BIRC6: variants seen among roughly 807,000 people sequenced by gnomAD.
BIRC6 encodes baculoviral IAP repeat containing 6.
A neutral mutation model predicts 503.3 loss-of-function variants in BIRC6; 98 were observed. That is an observed-to-expected ratio of 0.19 (90% CI 0.17 to 0.23). The LOEUF is 0.23. Among genes scored for constraint, BIRC6 ranks in the 10% least tolerant of loss-of-function variants. The pLI, the probability that BIRC6 is intolerant of heterozygous loss-of-function variation, is 1.00. For synonymous variants in BIRC6, 2,240 were observed against 2,078.7 expected, an observed-to-expected ratio of 1.08 and a Z score of -2.11; for missense variants, 5,360 against 5,806.0, an observed-to-expected ratio of 0.92 and a Z score of 2.50.
chr2:32,613,094 T>C (rs1395619292), intron 73 of BIRC6, among the ~76,000 whole-genome samples: 1 of 151,964 alleles, frequency 6.6e-6, no homozygotes, highest in East Asian at 1.9e-4. Context: ...TTACACATGG[T>C]TTCCATTTTC....
chr2:32,463,977 AG>A (rs1293751296), intron 24 of BIRC6, among the ~76,000 whole-genome samples: 3 of 152,180 alleles, frequency 2.0e-5, no homozygotes, highest in Non-Finnish European at 4.4e-5. Context: ...TGAGGGATCT[AG>A]GTTGCATGTT....
chr2:32,380,313 C>CT, intron 3 of BIRC6, 23 bp downstream of exon 3: 1 of 1,571,374 alleles, frequency 6.4e-7, no homozygotes, highest in Non-Finnish European at 8.6e-7. Flanking sequence ...TAGATTGCCT[C>CT]TTTTGGGGTT....
chr2:32,594,657 C>CT (rs1241077413), intron 67 of BIRC6, among the ~76,000 whole-genome samples: 1 of 152,116 alleles, frequency 6.6e-6, no homozygotes, highest in East Asian at 1.9e-4. Flanking sequence ...AATTGCACCA[C>CT]TGTACTCCAA....
At chr2:32,547,682 C>A (rs2058146940) in intron 63 of BIRC6, among the ~76,000 whole-genome samples, 168 bp from the exon 64 acceptor site, 1 of 152,130 alleles carries the variant, frequency 6.6e-6, no homozygotes, top group Admixed American at 6.5e-5. Flanking sequence ...TGTTTTAATA[C>A]TAGAAGTAGA....
intron 66 of BIRC6, among the ~76,000 whole-genome samples, chr2:32,590,448 G>T (rs2151334603): frequency 6.6e-6 from 1 of 152,278 alleles, no homozygotes; most frequent in African/African-American, 2.4e-5. Context: ...GGTTAAAGGG[G>T]TCTTGTTTTA....
chr2:32,491,669 GTATCAATATAATAAAAAAGGTT>G, intron 44 of BIRC6, 111 bp downstream of exon 44: 1 of 1,127,220 alleles, frequency 8.9e-7, no homozygotes, highest in African/African-American at 1.6e-5. Flanking sequence ...AGCCTTTTAT[GTATCAATATAATAAAAAAGGTT>G]TTGTTATTTG....
intron 1 of BIRC6, among the ~76,000 whole-genome samples, chr2:32,367,072 A>C (rs115270434): frequency 0.015 from 2,351 of 152,330 alleles, 38 homozygotes; most frequent in Non-Finnish European, 0.024. Flanking sequence ...TGGGTGTAGA[A>C]GAGAATATCA....
intron 65 of BIRC6, 29 bp downstream of exon 65, chr2:32,549,510 G>A (rs759767108): frequency 7.4e-7 from 1 of 1,346,730 alleles, no homozygotes; most frequent in Admixed American, 2.6e-5. Context: ...TGTGTCTGTG[G>A]ATGAATAATT....
intron 1 of BIRC6, among the ~76,000 whole-genome samples, chr2:32,358,761 A>G (rs548655511): frequency 6.6e-6 from 1 of 152,346 alleles, no homozygotes; most frequent in East Asian, 1.9e-4. Flanking sequence ...GAATTGGATT[A>G]TGTATAGTTT....
intron 49 of BIRC6, among the ~76,000 whole-genome samples, 184 bp downstream of exon 49, chr2:32,503,420 G>C (rs949686311): frequency 2.0e-5 from 3 of 151,466 alleles, no homozygotes; most frequent in African/African-American, 7.3e-5. Context: ...TTGTTTGTTT[G>C]TTTGTTTGTT....
At chr2:32,375,486 A>G (rs567752116) in intron 1 of BIRC6, among the ~76,000 whole-genome samples, 2 of 152,100 alleles carry the variant, frequency 1.3e-5, no homozygotes, top group East Asian at 3.9e-4. Flanking sequence ...TAAAAAAACA[A>G]ACAAACAAAA....
At chr2:32,581,591 C>T (rs1161882368) in intron 66 of BIRC6, among the ~76,000 whole-genome samples, 1 of 152,106 alleles carries the variant, frequency 6.6e-6, no homozygotes, top group East Asian at 1.9e-4. Context: ...AGCGGATGGA[C>T]CATTATCATT....
chr2:32,568,653 A>G (rs1048984574), intron 65 of BIRC6, among the ~76,000 whole-genome samples: 2 of 151,948 alleles, frequency 1.3e-5, no homozygotes, highest in African/African-American at 4.8e-5. Context: ...AGACCAGCCA[A>G]GCCAACATGG....
intron 42 of BIRC6, 115 bp downstream of exon 42, chr2:32,488,829 A>T (rs1271817622): frequency 2.8e-6 from 2 of 725,280 alleles, no homozygotes; most frequent in Non-Finnish European, 4.1e-6. Context: ...CTAGTGGGGA[A>T]AAAACAGAAT....
intron 31 of BIRC6, 102 bp from the exon 32 acceptor site, chr2:32,470,912 G>C (rs1334791640): frequency 3.3e-6 from 4 of 1,223,730 alleles, no homozygotes; most frequent in Non-Finnish European, 4.5e-6. Context: ...GATAAGATAT[G>C]TTTTGGATTT....
At chr2:32,571,595 G>A (rs1292566684) in intron 65 of BIRC6, among the ~76,000 whole-genome samples, 2 of 151,810 alleles carry the variant, frequency 1.3e-5, no homozygotes, top group Admixed American at 6.6e-5. Context: ...AGTATCAGTT[G>A]TATTCCTTTT....
chr2:32,378,901 T>C (rs2149383573), intron 2 of BIRC6: 1 of 152,346 alleles, frequency 6.6e-6, no homozygotes, highest in East Asian at 1.9e-4. Context: ...TGTGGCTTCA[T>C]ATCCTGCAGT....
At position 32,595,042 on chromosome 2, in the gene BIRC6, C is replaced by T; in HGVS notation, c.13510C>T (p.Leu4504=). 4 of 1,572,988 alleles carry T rather than the reference C, an allele frequency of 2.5e-6. No individual in the cohort carries two copies. Among genetic ancestry groups the T allele is most frequent in the Non-Finnish European group, 3.4e-6 (4 of 1,162,994 alleles). ...SLRQANQEKK[L]GEYSKKAAMK... is the part of the protein sequence containing the mutation. Reference sequence around the variant, plus strand: ...GAAATATTAAATAACAGAAAAAAAACTGGGTGAATACTCCAAGAAGGCGGC... The same window carrying T: ...GAAATATTAAATAACAGAAAAAAAATTGGGTGAATACTCCAAGAAGGCGGC... Residue 4504 remains leucine (L), a synonymous_variant, in exon 68 of 74, where the codon CTG becomes TTG. Transcript: ENST00000421745.
intron 40 of BIRC6, among the ~76,000 whole-genome samples, chr2:32,487,179 T>C (rs994848443): frequency 5.9e-5 from 9 of 152,206 alleles, no homozygotes; most frequent in Non-Finnish European, 1.2e-4. Context: ...CCCATGAATA[T>C]ATTCTCATTT....
Sources: allele counts gnomAD v4.1 joint callset (sites outside exome capture counted in the v4.1 genomes callset), GRCh38; gene constraint gnomAD v4.1.1; transcripts MANE v1.5; gene names NCBI Gene and HGNC (gene_info 2026-07-23, HGNC 2026-07-21).